The following RAP1GAP2 variants were observed in gnomAD, a reference collection of about 807,000 sequenced individuals.
RAP1GAP2 encodes RAP1 GTPase activating protein 2.
Under a neutral mutation model 95.0 loss-of-function variants are expected in RAP1GAP2, and 27 were observed. The observed-to-expected ratio is 0.28, with a 90% CI of 0.21 to 0.39. The LOEUF is 0.39. Among genes scored for constraint, RAP1GAP2 ranks in the 10% least tolerant of loss-of-function variants. The probability of loss-of-function intolerance (pLI) is 1.00; values close to 1 mark genes in which losing one functional copy is unlikely to be tolerated. For missense variants in RAP1GAP2, 771 were observed against 970.0 expected (o/e 0.79, Z 2.72); for synonymous variants, 373 against 380.9 (o/e 0.98, Z 0.24).
Position 2,797,195 on chromosome 17 carries a change from C to T in RAP1GAP2, c.44+624C>T, listed in dbSNP as rs1174843985. ...GTTGTGAGAGAAGGTCTCCCACCTGCACCCCAGGCAGCCCACCCTAGCTCT... is the reference window on the plus strand; with the variant it reads ...GTTGTGAGAGAAGGTCTCCCACCTGTACCCCAGGCAGCCCACCCTAGCTCT... On this transcript the variant is annotated intron_variant, in intron 1 of 24. Transcript: ENST00000254695. The surrounding 1 kb of genome is among the most constrained non-coding windows in gnomAD (Gnocchi z 5.6). 6.6e-6 allele frequency among the ~76,000 whole-genome samples: 1 copy of T among 152,144 alleles called. No individual in the cohort carries two copies. Among genetic ancestry groups the T allele is most frequent in the Non-Finnish European group, 1.5e-5 (1 of 68,026 alleles).
intron 11 of RAP1GAP2, among the ~76,000 whole-genome samples, chr17:2,988,729 C>T (rs2045641288): frequency 6.6e-6 from 1 of 152,214 alleles, no homozygotes; most frequent in Non-Finnish European, 1.5e-5. Context: ...CTTAGGAATA[C>T]ACCTGCTGAG....
In RAP1GAP2 at chr17:2,785,674, G is replaced by T. The variant is rs367903501; in HGVS notation, c.-14+8396G>T. 1.9e-3 allele frequency among the ~76,000 whole-genome samples: 291 copies of T among 152,258 alleles called. 3 individuals are homozygous for T. Among genetic ancestry groups the T allele is most frequent in the African/African-American group, 6.6e-3 (276 of 41,542 alleles). On this transcript the variant is annotated intron_variant, in intron 1 of 24. Coordinates refer to the RAP1GAP2 transcript ENST00000540393. ...AGTTGTAAGCCTTTAAAAAGGCCAA[G>T]AATTTCTTTTTCGGGAAGCTCGGTT...
At position 3,034,166 on chromosome 17, in the gene RAP1GAP2, AG is replaced by A; in HGVS notation, c.*809del. On this transcript the variant is annotated 3_prime_UTR_variant, in exon 25 of 25. Coordinates refer to ENST00000254695, the MANE Select transcript of RAP1GAP2 (RefSeq NM_015085.5). This position sits in a 1 kb window ranked among gnomAD's most constrained non-coding sequence, Gnocchi z 5.1. Reference sequence around the variant, plus strand: ...TGGCTGCTGTGGGGTGAGGGGAGGGAGGGGCAGCCCCGAGGCAGTCTCTTCC... The same window carrying A: ...TGGCTGCTGTGGGGTGAGGGGAGGGAGGGCAGCCCCGAGGCAGTCTCTTCC... 1 of 156,234 alleles carries A rather than the reference AG, an allele frequency of 6.4e-6. No individual in the cohort carries two copies. Among genetic ancestry groups the A allele is most frequent in the Non-Finnish European group, 1.4e-5 (1 of 70,382 alleles). The allele number at this position is 156,234 out of a possible 1,614,324, so 9.7% of individuals were successfully genotyped here. A position where few individuals can be genotyped will look rare whatever the true frequency, so the allele number is the denominator to read the frequency against.
chr17:2,862,127 C>T (rs553640298), intron 2 of RAP1GAP2, among the ~76,000 whole-genome samples: 157 of 152,238 alleles, frequency 1.0e-3, no homozygotes, highest in African/African-American at 3.4e-3. Flanking sequence ...CTTTGGGACC[C>T]GTAGACGTGA....
intron 2 of RAP1GAP2, among the ~76,000 whole-genome samples, chr17:2,858,322 C>T (rs908816521): frequency 6.6e-6 from 1 of 152,140 alleles, no homozygotes; most frequent in African/African-American, 2.4e-5. Flanking sequence ...GAGCTCGAAT[C>T]TGATGAATGT....
intron 3 of RAP1GAP2, among the ~76,000 whole-genome samples, chr17:2,941,139 C>T (rs1284890494): frequency 4.6e-5 from 7 of 152,186 alleles, no homozygotes; most frequent in African/African-American, 1.7e-4. Flanking sequence ...CGGTGGCTCA[C>T]GCCTGTAATC....
Position 2,796,961 on chromosome 17 carries a change from T to C in RAP1GAP2, c.44+390T>C, listed in dbSNP as rs2069107346. On this transcript the variant is annotated intron_variant, in intron 1 of 24. Transcript: ENST00000254695. The surrounding 1 kb of genome is among the most constrained non-coding windows in gnomAD (Gnocchi z 4.7). ...GTGTGTGCAGGCGTGTGTGTGTGGCTGTGACTGCCAGTCCGTGTGACCGTG... is the reference window on the plus strand; with the variant it reads ...GTGTGTGCAGGCGTGTGTGTGTGGCCGTGACTGCCAGTCCGTGTGACCGTG... Among the ~76,000 whole-genome samples the C allele has an allele frequency of 6.6e-6, 1 of 152,148 alleles. No homozygotes were observed. Among genetic ancestry groups the C allele is most frequent in the Non-Finnish European group, 1.5e-5 (1 of 68,028 alleles).
At chr17:2,914,212 A>G (rs924769663) in intron 3 of RAP1GAP2, among the ~76,000 whole-genome samples, 4 of 151,966 alleles carry the variant, frequency 2.6e-5, no homozygotes, top group African/African-American at 7.3e-5. Flanking sequence ...TGTTTGCCAA[A>G]TGGTCAGGCC....
At chr17:2,950,340 A>G (rs8079363) in intron 3 of RAP1GAP2, among the ~76,000 whole-genome samples, 135,493 of 152,052 alleles carry the variant, frequency 0.89, 62,008 homozygotes, top group Non-Finnish European at 1. Context: ...GTGTGAGCCA[A>G]TGCGCCCAGC....
intron 2 of RAP1GAP2, among the ~76,000 whole-genome samples, chr17:2,864,957 G>A (rs1031275927): frequency 6.6e-6 from 1 of 152,174 alleles, no homozygotes; most frequent in African/African-American, 2.4e-5. Context: ...CACCTGCCTG[G>A]TACTTATGCT....
chr17:2,820,619 C>CA (rs528845347), intron 2 of RAP1GAP2, among the ~76,000 whole-genome samples: 12,619 of 86,776 alleles, frequency 0.15, 1,265 homozygotes, highest in African/African-American at 0.31. Context: ...GACACCGTCT[C>CA]AAAAAAAAAA....
At chr17:3,024,561 T>C (rs2047047741) in intron 19 of RAP1GAP2, among the ~76,000 whole-genome samples, 2 of 152,092 alleles carry the variant, frequency 1.3e-5, no homozygotes, top group African/African-American at 4.8e-5. Flanking sequence ...CCAAGAGAGT[T>C]GAGAACAGTG....
At chr17:2,802,714 G>A (rs55700766) in intron 2 of RAP1GAP2, among the ~76,000 whole-genome samples, 1 of 151,722 alleles carries the variant, frequency 6.6e-6, no homozygotes, top group African/African-American at 2.4e-5. Context: ...AAAAAAAAAA[G>A]TCTAGAGCTG....
chr17:2,916,089 T>C (rs1037875287), intron 3 of RAP1GAP2, among the ~76,000 whole-genome samples: 1 of 152,216 alleles, frequency 6.6e-6, no homozygotes, highest in African/African-American at 2.4e-5. Context: ...GGTTCATTTA[T>C]TGCCATATGG....
At chr17:2,944,630 A>G (rs1324866681) in intron 3 of RAP1GAP2, among the ~76,000 whole-genome samples, 4 of 152,190 alleles carry the variant, frequency 2.6e-5, no homozygotes, top group Admixed American at 1.3e-4. Context: ...GAATTTCCCT[A>G]TCAAATTTAG....
intron 3 of RAP1GAP2, among the ~76,000 whole-genome samples, chr17:2,935,302 G>T (rs2043270432): frequency 6.6e-6 from 1 of 152,310 alleles, no homozygotes; most frequent in Non-Finnish European, 1.5e-5. Flanking sequence ...GAGATCAGGA[G>T]CTCAAGACCA....
chr17:2,761,365 C>A (rs934195913), intron 1 of RAP1GAP2, among the ~76,000 whole-genome samples: 1 of 147,946 alleles, frequency 6.8e-6, no homozygotes, highest in Non-Finnish European at 1.5e-5. Flanking sequence ...CTCAGCTCAC[C>A]GCAACCTCCG....
intron 3 of RAP1GAP2, among the ~76,000 whole-genome samples, chr17:2,917,660 C>T (rs571295435): frequency 6.6e-6 from 1 of 152,172 alleles, no homozygotes; most frequent in African/African-American, 2.4e-5. Context: ...CCACCTGGGC[C>T]TCCCAAAGTG....
At chr17:2,927,210 G>C (rs1425228394) in intron 3 of RAP1GAP2, among the ~76,000 whole-genome samples, 1 of 151,108 alleles carries the variant, frequency 6.6e-6, no homozygotes, top group Admixed American at 6.6e-5. Flanking sequence ...CTGGAGTGCA[G>C]TGGCGCGATC....
Sources: gnomAD v4.1 joint callset for allele counts (sites outside exome capture counted in the v4.1 genomes callset) on GRCh38, gnomAD v4.1.1 for gene constraint, Gnocchi (gnomAD v3.1) non-coding constraint, MANE v1.5 for transcripts, NCBI Gene and HGNC (gene_info 2026-07-23, HGNC 2026-07-21) for gene names.